The following SYK variants were observed in gnomAD, a reference collection of about 807,000 sequenced individuals.
The protein encoded by SYK is tyrosine-protein kinase SYK.
A neutral mutation model predicts 77.8 loss-of-function variants in SYK; 16 were observed. That is an observed-to-expected ratio of 0.21 (90% CI 0.14 to 0.31). The LOEUF is 0.31. Among genes scored for constraint, SYK ranks in the 10% least tolerant of loss-of-function variants. The pLI, the probability that SYK is intolerant of heterozygous loss-of-function variation, is 1.00. For synonymous variants in SYK, 312 were observed against 308.7 expected (o/e 1.01, Z -0.11); for missense variants, 529 against 814.4 (o/e 0.65, Z 4.26).
At chr9:90,816,518 A>G (rs1825298173) in intron 1 of SYK, among the ~76,000 whole-genome samples, 1 of 152,196 alleles carries the variant, frequency 6.6e-6, no homozygotes, top group Non-Finnish European at 1.5e-5. Context: ...GCCCAGTAAT[A>G]CTTAAAAATT....
At chr9:90,864,101 C>T (rs1827375210) in intron 4 of SYK, among the ~76,000 whole-genome samples, 1 of 152,178 alleles carries the variant, frequency 6.6e-6, no homozygotes, top group Non-Finnish European at 1.5e-5. Flanking sequence ...TTCTAAGGTA[C>T]TTCTGTACCC....
At chr9:90,856,401 C>A (rs76836208) in intron 3 of SYK, among the ~76,000 whole-genome samples, 5 of 152,116 alleles carry the variant, frequency 3.3e-5, no homozygotes, top group Non-Finnish European at 7.4e-5. Context: ...CTATTAAATA[C>A]AGTTTGACCT....
chr9:90,842,193 TTGTG>T (rs200670587), intron 1 of SYK, among the ~76,000 whole-genome samples: 7 of 150,510 alleles, frequency 4.7e-5, no homozygotes, highest in Admixed American at 2.0e-4. Context: ...TGTATGTAGT[TTGTG>T]TGTGTGGTGT....
rs1234149782 is a variant in SYK, at chr9:90,895,609, G to A, written c.*9G>A. ...ATGACGTGGTGAACTAACCGCTCCC[G>A]CACCTGTCGGTGGCTGCCTTTGATC... On this transcript the variant is annotated 3_prime_UTR_variant, in exon 14 of 14. Coordinates refer to ENST00000375754, the MANE Select transcript of SYK (RefSeq NM_003177.7). This position sits in a 1 kb window ranked among gnomAD's most constrained non-coding sequence, Gnocchi z 4.4. The A allele has an allele frequency of 2.5e-6, 4 of 1,612,950 alleles. No homozygotes were observed. Among genetic ancestry groups the A allele is most frequent in the East Asian group, 4.5e-5 (2 of 44,886 alleles).
chr9:90,880,467 G>A (rs1828107197), intron 11 of SYK, among the ~76,000 whole-genome samples: 1 of 152,210 alleles, frequency 6.6e-6, no homozygotes, highest in Non-Finnish European at 1.5e-5. Context: ...GATAGAAATA[G>A]CAGGGAAACA....
intron 1 of SYK, among the ~76,000 whole-genome samples, chr9:90,817,364 C>T (rs1245387650): frequency 6.6e-6 from 1 of 152,142 alleles, no homozygotes. Context: ...CCCTGTCTTT[C>T]TCAATTTTTC....
Position 90,865,109 on chromosome 9 carries a change from T to C in SYK, c.846+12T>C, listed in dbSNP as rs748494690. On this transcript the variant is annotated intron_variant, in intron 6 of 13. Transcript: ENST00000375754. ...GTTCCCATCCTGCGGTAAGTGTCAC[T>C]AGGAATACCACTGAATGAGAAGCTG... 1.9e-6 allele frequency: 3 copies of C among 1,612,622 alleles called. No individual in the cohort carries two copies. Among genetic ancestry groups the C allele is most frequent in the South Asian group, 2.2e-5 (2 of 91,054 alleles).
intron 1 of SYK, among the ~76,000 whole-genome samples, chr9:90,830,403 C>T (rs1825837686): frequency 6.6e-6 from 1 of 152,214 alleles, no homozygotes; most frequent in Non-Finnish European, 1.5e-5. Context: ...GATTCTGCCG[C>T]ACAAGGCAGT....
At chr9:90,867,381 G>A (rs1216693757) in intron 7 of SYK, among the ~76,000 whole-genome samples, 182 bp downstream of exon 7, 1 of 152,192 alleles carries the variant, frequency 6.6e-6, no homozygotes, top group African/African-American at 2.4e-5. Flanking sequence ...GGTACATCAT[G>A]TGCTTTTCAT....
intron 1 of SYK, among the ~76,000 whole-genome samples, chr9:90,803,082 A>C (rs1261159743): frequency 2.6e-5 from 4 of 152,196 alleles, no homozygotes; most frequent in Admixed American, 1.3e-4. Context: ...AAAAGGCTTA[A>C]ATACATGTAA....
At chr9:90,860,004 G>A (rs1419797379) in intron 3 of SYK, among the ~76,000 whole-genome samples, 1 of 145,312 alleles carries the variant, frequency 6.9e-6, no homozygotes, top group Non-Finnish European at 1.5e-5. Flanking sequence ...CTTTTTTTCT[G>A]GAGAGATGGC....
Position 90,888,625 on chromosome 9 carries a change from C to T in SYK, c.1833C>T (p.Tyr611=), listed in dbSNP as rs201360872. 38 of 1,590,560 alleles carry T rather than the reference C, an allele frequency of 2.4e-5. No individual in the cohort carries two copies. Among genetic ancestry groups the T allele is most frequent in the Non-Finnish European group, 3.2e-5 (37 of 1,168,560 alleles). The change falls in exon 13 of 14, where the codon TAC becomes TAT. Residue 611 remains tyrosine (Y), a splice_region_variant and synonymous_variant. Coordinates refer to ENST00000375754, the MANE Select transcript of SYK (RefSeq NM_003177.7). ...ATCTCATGAATCTGTGCTGGACATA[C>T]GAGTGAGTACCTGACACTGACTGTG... ...MYDLMNLCWT[Y]DVENRPGFAA...
intron 1 of SYK, among the ~76,000 whole-genome samples, chr9:90,832,705 T>A (rs1388924703): frequency 6.6e-6 from 1 of 152,254 alleles, no homozygotes; most frequent in Non-Finnish European, 1.5e-5. Context: ...TTTACTTAAA[T>A]ATCCATTAAG....
At chr9:90,856,079 T>G (rs776854266) in intron 3 of SYK, among the ~76,000 whole-genome samples, 2 of 152,212 alleles carry the variant, frequency 1.3e-5, no homozygotes, top group Non-Finnish European at 2.9e-5. Flanking sequence ...AAACTTAAGT[T>G]AGATAGTAAA....
At chr9:90,888,728 C>A in intron 13 of SYK, 101 bp downstream of exon 13, 2 of 910,696 alleles carry the variant, frequency 2.2e-6, no homozygotes, top group Non-Finnish European at 3.2e-6. Flanking sequence ...TTTCATGAAT[C>A]AGGAATGTGC....
At chr9:90,851,852 ACT>A (rs1205225776) in intron 3 of SYK, among the ~76,000 whole-genome samples, 1 of 151,982 alleles carries the variant, frequency 6.6e-6, no homozygotes, top group Non-Finnish European at 1.5e-5. Flanking sequence ...CAATTTGAAG[ACT>A]CTCTTATTTT....
At chr9:90,876,621 G>A (rs908040233) in intron 9 of SYK, among the ~76,000 whole-genome samples, 7 of 152,172 alleles carry the variant, frequency 4.6e-5, no homozygotes, top group African/African-American at 7.2e-5. Context: ...TTAAATTTGT[G>A]AATTAACATA....
At chr9:90,874,346 G>T in intron 8 of SYK, 55 bp downstream of exon 8, 2 of 1,560,120 alleles carry the variant, frequency 1.3e-6, no homozygotes, top group South Asian at 1.1e-5. Context: ...GTGGTCACTT[G>T]TAAGTTTGTA....
intron 1 of SYK, among the ~76,000 whole-genome samples, chr9:90,835,677 C>T (rs1346961447): frequency 6.6e-6 from 1 of 152,144 alleles, no homozygotes; most frequent in Non-Finnish European, 1.5e-5. Context: ...GGAGTGAGTT[C>T]CCTTCCCTTA....
Sources: allele counts gnomAD v4.1 joint callset (sites outside exome capture counted in the v4.1 genomes callset), GRCh38; gene constraint gnomAD v4.1.1; non-coding constraint Gnocchi (gnomAD v3.1); transcripts MANE v1.5; gene names NCBI Gene and HGNC (gene_info 2026-07-23, HGNC 2026-07-21).